Variants in NUBPL observed in about 807,000 individuals in gnomAD.
NUBPL encodes NUBP iron-sulfur cluster assembly factor, mitochondrial.
NUBPL carries 31 observed loss-of-function variants against 45.7 expected under a neutral mutation model. That is an observed-to-expected ratio of 0.68 (90% CI 0.51 to 0.92). NUBPL has a LOEUF of 0.92. NUBPL is among the 40% of genes least tolerant of loss of function. The pLI is 0.00. For synonymous variants in NUBPL, 144 were observed against 140.9 expected (o/e 1.02, Z -0.15); for missense variants, 401 against 398.7 (o/e 1.01, Z -0.05).
intron 7 of NUBPL, among the ~76,000 whole-genome samples, chr14:31,806,365 G>A (rs1002722805): frequency 6.6e-6 from 1 of 152,032 alleles, no homozygotes; most frequent in African/African-American, 2.4e-5. Flanking sequence ...AAAGGTCTTT[G>A]GTATTGGTTT....
intron 6 of NUBPL, among the ~76,000 whole-genome samples, chr14:31,711,266 G>A (rs8020338): frequency 0.3 from 44,878 of 151,952 alleles, 7,485 homozygotes; most frequent in South Asian, 0.41. Flanking sequence ...GCAAACCAAC[G>A]CTCCCAACTC....
chr14:31,813,079 C>CCTG (rs2039843729), intron 7 of NUBPL, among the ~76,000 whole-genome samples: 1 of 151,134 alleles, frequency 6.6e-6, no homozygotes, highest in Non-Finnish European at 1.5e-5. Context: ...AGCCCTGCCT[C>CCTG]CTGGGTTCAC....
intron 9 of NUBPL, among the ~76,000 whole-genome samples, chr14:31,848,432 T>G (rs932934005): frequency 2.6e-5 from 4 of 152,244 alleles, no homozygotes; most frequent in Admixed American, 2.6e-4. Context: ...CCTGGCAGAC[T>G]CTTAATTCAG....
At chr14:31,848,536 T>C (rs1236682620) in intron 9 of NUBPL, among the ~76,000 whole-genome samples, 2 of 152,288 alleles carry the variant, frequency 1.3e-5, no homozygotes, top group African/African-American at 4.8e-5. Flanking sequence ...GTAGTTAAGG[T>C]CTCAGACCAT....
chr14:31,813,332 A>C (rs1333585199), intron 7 of NUBPL, among the ~76,000 whole-genome samples: 3 of 151,970 alleles, frequency 2.0e-5, no homozygotes, highest in Admixed American at 6.6e-5. Context: ...AAGTGACTTG[A>C]AGCCCATTTA....
chr14:31,688,415 A>G (rs2037006046), intron 6 of NUBPL, among the ~76,000 whole-genome samples: 1 of 151,772 alleles, frequency 6.6e-6, no homozygotes, highest in South Asian at 2.1e-4. Flanking sequence ...GTCTCTACTA[A>G]AAATACAAAA....
intron 7 of NUBPL, among the ~76,000 whole-genome samples, chr14:31,790,578 G>A (rs2039361928): frequency 6.6e-6 from 1 of 152,196 alleles, no homozygotes; most frequent in Non-Finnish European, 1.5e-5. Context: ...CTGGCCGGAT[G>A]TGGTGGCTCA....
intron 6 of NUBPL, among the ~76,000 whole-genome samples, chr14:31,778,624 C>T: frequency 6.6e-6 from 1 of 152,178 alleles, no homozygotes; most frequent in East Asian, 1.9e-4. Context: ...TATAATTTTT[C>T]CAGTAAGGTT....
chr14:31,643,716 A>G (rs1342906889), intron 4 of NUBPL, among the ~76,000 whole-genome samples: 1 of 152,108 alleles, frequency 6.6e-6, no homozygotes, highest in Admixed American at 6.6e-5. Context: ...GAGTTTGAAT[A>G]GAATTGGCAT....
At chr14:31,734,815 A>G (rs1258341098) in intron 6 of NUBPL, among the ~76,000 whole-genome samples, 2 of 152,190 alleles carry the variant, frequency 1.3e-5, no homozygotes. Flanking sequence ...GGGTCTGTAG[A>G]TATTCAGGGT....
At chr14:31,698,742 A>G (rs1032349015) in intron 6 of NUBPL, among the ~76,000 whole-genome samples, 6 of 151,914 alleles carry the variant, frequency 3.9e-5, no homozygotes, top group Non-Finnish European at 8.8e-5. Flanking sequence ...AAAAATTTCT[A>G]TACTATTTGC....
chr14:31,850,815 G>T (rs1177899173), intron 10 of NUBPL, among the ~76,000 whole-genome samples: 1 of 151,854 alleles, frequency 6.6e-6, no homozygotes, highest in Non-Finnish European at 1.5e-5. Flanking sequence ...TGGAGACAGG[G>T]TCTCACTATG....
intron 8 of NUBPL, among the ~76,000 whole-genome samples, chr14:31,842,869 TA>T (rs1335642741): frequency 2.0e-5 from 3 of 152,188 alleles, no homozygotes; most frequent in African/African-American, 7.2e-5. Context: ...ACTACATTAA[TA>T]TGTTATTTTC....
intron 6 of NUBPL, among the ~76,000 whole-genome samples, chr14:31,773,689 G>A (rs1046028735): frequency 1.3e-5 from 2 of 152,178 alleles, no homozygotes; most frequent in African/African-American, 4.8e-5. Context: ...GTAATGTTCT[G>A]TTTGCTAGTA....
chr14:31,640,731 C>T (rs906109101), intron 4 of NUBPL, among the ~76,000 whole-genome samples: 10 of 151,466 alleles, frequency 6.6e-5, no homozygotes, highest in East Asian at 3.9e-4. Context: ...ATACATAATA[C>T]GTGTGCATAT....
intron 6 of NUBPL, among the ~76,000 whole-genome samples, chr14:31,739,559 G>A (rs1361839537): frequency 6.6e-6 from 1 of 152,100 alleles, no homozygotes; most frequent in African/African-American, 2.4e-5. Context: ...TATACAGATT[G>A]TCTATATATC....
intron 6 of NUBPL, among the ~76,000 whole-genome samples, chr14:31,717,151 G>T (rs2139939862): frequency 6.6e-6 from 1 of 152,112 alleles, no homozygotes; most frequent in Non-Finnish European, 1.5e-5. Flanking sequence ...ATCTAATCAG[G>T]GCACATTTTC....
At position 31,826,855 on chromosome 14, in the gene NUBPL, TTAA is replaced by T. The variant is rs199942116; in HGVS notation, c.693+142_693+144del. The T allele has an allele frequency of 0.036, 26,907 of 752,478 alleles. 585 individuals are homozygous for T. Among genetic ancestry groups the T allele is most frequent in the Admixed American group, 0.053 (2,523 of 47,480 alleles). 46.6% of individuals were successfully genotyped at this position (752,478 alleles called of 1,614,324 possible). On this transcript the variant is annotated intron_variant, in intron 8 of 10. Coordinates refer to ENST00000281081, the MANE Select transcript of NUBPL (RefSeq NM_025152.3). The stretch of plus-strand genomic sequence containing the variant: ...GTCCTAGTTTATCATTTTGGTGACT[TTAA>T]AAACACACTTATAGGTACAAACATG...
rs2033272155 is a variant in NUBPL, at chr14:31,561,446, A to T, written c.7A>T (p.Ile3Phe). The T allele has an allele frequency of 7.1e-7, 1 of 1,412,718 alleles. No homozygotes were observed. Among genetic ancestry groups the T allele is most frequent in the Non-Finnish European group, 9.3e-7 (1 of 1,073,190 alleles). The allele number at this position is 1,412,718 out of a possible 1,614,324, so 87.5% of individuals were successfully genotyped here. Residue 3 changes from isoleucine (I) to phenylalanine (F), a missense_variant, in exon 1 of 11, where the codon ATT becomes TTT. Physicochemically the swap from Ile to Phe is conservative, Grantham distance 21. Coordinates refer to ENST00000281081, the MANE Select transcript of NUBPL (RefSeq NM_025152.3). ...CACAGCAGCGTTCCGCGTCATGGGG[A>T]TTTGGCAGCGTCTGCTGCTTTTTGG... MG[I>F]WQRLLLFGGV...
Sources: gnomAD v4.1 joint callset for allele counts (sites outside exome capture counted in the v4.1 genomes callset) on GRCh38, gnomAD v4.1.1 for gene constraint, MANE v1.5 for transcripts, NCBI Gene and HGNC (gene_info 2026-07-23, HGNC 2026-07-21) for gene names.